The following PLXNA2 variants were observed in gnomAD, a reference collection of about 807,000 sequenced individuals.
PLXNA2 encodes the protein plexin-A2.
A neutral mutation model predicts 193.5 loss-of-function variants in PLXNA2; 91 were observed. The ratio of observed to expected loss-of-function variants is 0.47; its 90% CI spans 0.40 to 0.56. The LOEUF is 0.56. Ranked by LOEUF, PLXNA2 falls within the 20% of genes least tolerant of loss-of-function variation. PLXNA2 has a pLI of 0.00. For missense variants in PLXNA2, 1,995 were observed against 2,503.2 expected (o/e 0.80, Z 4.33); for synonymous variants, 997 against 1,027.3 (o/e 0.97, Z 0.56).
intron 11 of PLXNA2, 134 bp from the exon 12 acceptor site, chr1:208,079,584 G>C: frequency 4.6e-6 from 3 of 654,802 alleles, no homozygotes; most frequent in Non-Finnish European, 7.7e-6. Context: ...CATTATCATT[G>C]CAAGAATGAC....
chr1:208,122,618 A>G (rs1202038723), intron 4 of PLXNA2, among the ~76,000 whole-genome samples: 1 of 152,174 alleles, frequency 6.6e-6, no homozygotes, highest in Non-Finnish European at 1.5e-5. Flanking sequence ...AGGGTTAAGG[A>G]AAGCCCGTGA....
At chr1:208,184,609 G>A (rs750601207) in intron 3 of PLXNA2, among the ~76,000 whole-genome samples, 1 of 152,120 alleles carries the variant, frequency 6.6e-6, no homozygotes. Context: ...GAAAGCTGTT[G>A]ACATGATGGA....
At chr1:208,087,013 GAGACAGAC>G (rs879328403) in intron 9 of PLXNA2, among the ~76,000 whole-genome samples, 1 of 117,434 alleles carries the variant, frequency 8.5e-6, no homozygotes, top group African/African-American at 3.2e-5. Flanking sequence ...GAGAGAGAGA[GAGACAGAC>G]AGACAGACAG....
At position 208,086,975 on chromosome 1, in the gene PLXNA2, C is replaced by G. The variant is rs60534055; in HGVS notation, c.2098-2395G>C. On this transcript the variant is annotated intron_variant, in intron 9 of 31. Transcript: ENST00000367033. ...TCTCTCTCTCTCTCTCTCTCTCTCT[C>G]TCTCTGTGTGTGTGTGAGAGAGAGA... is the stretch of plus-strand genomic sequence containing the variant. 9.8e-3 allele frequency among the ~76,000 whole-genome samples: 428 copies of G among 43,618 alleles called. 2 individuals carry two copies. Among genetic ancestry groups the G allele is most frequent in the African/African-American group, 0.029 (366 of 12,644 alleles). 28.6% of individuals were successfully genotyped at this position (43,618 alleles called of 152,430 possible). A position where few individuals can be genotyped will look rare whatever the true frequency, so the allele number is the denominator to read the frequency against.
At chr1:208,210,534 C>T in intron 2 of PLXNA2, 72 bp from the exon 3 acceptor site, 1 of 1,354,638 alleles carries the variant, frequency 7.4e-7, no homozygotes, top group Non-Finnish European at 1.0e-6. Context: ...GACCCATATC[C>T]ACAACTTCCA....
chr1:208,049,301 G>C (rs921388429), intron 17 of PLXNA2, among the ~76,000 whole-genome samples: 1 of 115,424 alleles, frequency 8.7e-6, no homozygotes, highest in Non-Finnish European at 1.8e-5. Context: ...TACCTAATTT[G>C]CTTGCTTTTT....
intron 3 of PLXNA2, among the ~76,000 whole-genome samples, chr1:208,143,760 A>AC (rs1668527339): frequency 6.6e-6 from 1 of 152,098 alleles, no homozygotes; most frequent in East Asian, 1.9e-4. Flanking sequence ...TTGTCCTAGG[A>AC]TAATCAATTG....
chr1:208,082,558 G>A lies in PLXNA2; in HGVS notation c.2299-50C>T, dbSNP rs750405322. ...GGGGCTCATGTGGCTCTCTATCACA[G>A]GGGTCAGGGATGCAGACAAACCCTG... On this transcript the variant is annotated intron_variant, in intron 10 of 31. Transcript: ENST00000367033. This position sits in a 1 kb window ranked among gnomAD's most constrained non-coding sequence, Gnocchi z 4.2. 3.7e-6 allele frequency: 5 copies of A among 1,353,948 alleles called. No homozygotes were observed. Among genetic ancestry groups the A allele is most frequent in the Non-Finnish European group, 5.3e-6 (5 of 948,108 alleles). 83.9% of individuals were successfully genotyped at this position (1,353,948 alleles called of 1,614,324 possible).
intron 31 of PLXNA2, among the ~76,000 whole-genome samples, 166 bp from the exon 32 acceptor site, chr1:208,027,504 C>G (rs184569500): frequency 6.6e-6 from 1 of 152,282 alleles, no homozygotes; most frequent in East Asian, 1.9e-4. Flanking sequence ...GCACACACAC[C>G]TATATATATG....
At chr1:208,130,301 G>A (rs1668107060) in intron 4 of PLXNA2, among the ~76,000 whole-genome samples, 2 of 152,196 alleles carry the variant, frequency 1.3e-5, no homozygotes, top group African/African-American at 2.4e-5. Flanking sequence ...TGTAAAGCTG[G>A]GAGGAGAAGG....
intron 3 of PLXNA2, among the ~76,000 whole-genome samples, chr1:208,157,688 G>C (rs1325562450): frequency 6.6e-6 from 1 of 152,174 alleles, no homozygotes; most frequent in African/African-American, 2.4e-5. Flanking sequence ...GAGTAGCTGT[G>C]TAAGGTTCCG....
intron 4 of PLXNA2, among the ~76,000 whole-genome samples, chr1:208,106,069 A>AT (rs5780430): frequency 0.5 from 73,278 of 145,372 alleles, 18,762 homozygotes; most frequent in South Asian, 0.66. Flanking sequence ...CCTCCTGGTG[A>AT]TTTTTTTTTT....
chr1:208,062,878 G>A (rs2102352968), intron 12 of PLXNA2, among the ~76,000 whole-genome samples: 1 of 152,132 alleles, frequency 6.6e-6, no homozygotes, highest in South Asian at 2.1e-4. Flanking sequence ...GTCTCCCCTG[G>A]CACAGTTTCC....
intron 4 of PLXNA2, among the ~76,000 whole-genome samples, chr1:208,115,407 G>T (rs1558199919): frequency 6.6e-6 from 1 of 152,090 alleles, no homozygotes; most frequent in East Asian, 1.9e-4. Flanking sequence ...TTGTATAAAA[G>T]TTATCTGCAG....
chr1:208,202,468 C>T (rs1670581645), intron 3 of PLXNA2, among the ~76,000 whole-genome samples: 1 of 152,148 alleles, frequency 6.6e-6, no homozygotes, highest in African/African-American at 2.4e-5. Flanking sequence ...GGTCACACAG[C>T]TAGTAGGATG....
chr1:208,084,402 C>T lies in PLXNA2; in HGVS notation c.2276G>A (p.Ser759Asn), dbSNP rs774003053. 5.6e-6 allele frequency: 9 copies of T among 1,614,164 alleles called. No individual in the cohort carries two copies. Among genetic ancestry groups the T allele is most frequent in the Non-Finnish European group, 7.6e-6 (9 of 1,180,060 alleles). The change falls in exon 10 of 32, where the codon AGC becomes AAC. Residue 759 changes from serine to asparagine, a missense_variant. This residue lies in a region of PLXNA2 where 1,291 missense variants were observed against 1,673.6 expected (regional missense o/e 0.77). Transcript: ENST00000367033. ...TACCGAGCTGTTCTGACACTGAACGCTGGAGCTGTTGAAGCGCAGAGCGGG... is the reference window on the plus strand; with the variant it reads ...TACCGAGCTGTTCTGACACTGAACGTTGGAGCTGTTGAAGCGCAGAGCGGG... Reference protein sequence around the residue: ...RVPALRFNSSSVQCQNSSYQY... With the variant: ...RVPALRFNSSNVQCQNSSYQY...
chr1:208,241,482 C>T (rs902771662), intron 1 of PLXNA2, among the ~76,000 whole-genome samples: 1 of 152,196 alleles, frequency 6.6e-6, no homozygotes. Context: ...GCCAGCCCCC[C>T]TGTCCTGCTC....
In PLXNA2 at chr1:208,236,575, C is replaced by A. The variant is rs1432878274; in HGVS notation, c.-81+7068G>T. On this transcript the variant is annotated intron_variant, in intron 1 of 31. Coordinates refer to ENST00000367033, the MANE Select transcript of PLXNA2 (RefSeq NM_025179.4). This position sits in a 1 kb window ranked among gnomAD's most constrained non-coding sequence, Gnocchi z 4.4. ...CCCTGCTCAAAGGTAAAAAGACCTG[C>A]CCATAGTCACAGAGCAATCACAATC... Among the ~76,000 whole-genome samples the A allele has an allele frequency of 6.6e-6, 1 of 152,198 alleles. No individual in the cohort carries two copies. The highest frequency in any genetic ancestry group is 1.5e-5 in the Non-Finnish European group (1 of 68,050).
chr1:208,182,775 C>A (rs1222633667), intron 3 of PLXNA2, among the ~76,000 whole-genome samples: 1 of 152,068 alleles, frequency 6.6e-6, no homozygotes, highest in Non-Finnish European at 1.5e-5. Flanking sequence ...GCATCCAGTA[C>A]TGCTGGGTTC....
Sources: gnomAD v4.1 joint callset for allele counts (sites outside exome capture counted in the v4.1 genomes callset) on GRCh38, gnomAD v4.1.1 for gene constraint, gnomAD v4.1.1 regional missense constraint, Gnocchi (gnomAD v3.1) non-coding constraint, MANE v1.5 for transcripts, NCBI Gene and HGNC (gene_info 2026-07-23, HGNC 2026-07-21) for gene names.